TANGO6: variants seen among roughly 807,000 people sequenced by gnomAD.
TANGO6 encodes the protein transport and Golgi organization protein 6 homolog.
In TANGO6, 90 loss-of-function variants were observed where a neutral mutation model predicts 114.2. The ratio of observed to expected loss-of-function variants is 0.79; its 90% confidence interval spans 0.66 to 0.94. The LOEUF is 0.94. TANGO6 is among the 40% of genes least tolerant of loss of function. TANGO6 has a pLI of 0.00. For synonymous variants in TANGO6, 477 were observed against 509.8 expected, an observed-to-expected ratio of 0.94 and a Z score of 0.87; for missense variants, 1,274 against 1,315.3, an observed-to-expected ratio of 0.97 and a Z score of 0.49.
At chr16:69,070,187 G>A (rs1960276428) in intron 17 of TANGO6, among the ~76,000 whole-genome samples, 1 of 151,682 alleles carries the variant, frequency 6.6e-6, no homozygotes, top group Non-Finnish European at 1.5e-5. Flanking sequence ...CAGCCTCGGC[G>A]ATAGAGCGAG....
intron 11 of TANGO6, among the ~76,000 whole-genome samples, chr16:68,915,147 C>A (rs1231818259): frequency 3.5e-5 from 5 of 142,564 alleles, no homozygotes; most frequent in Non-Finnish European, 6.0e-5. Context: ...GCACTCCAGC[C>A]TGGGCGACAG....
chr16:68,878,608 C>A (rs1347555218), intron 6 of TANGO6, among the ~76,000 whole-genome samples: 1 of 149,960 alleles, frequency 6.7e-6, no homozygotes, highest in Non-Finnish European at 1.5e-5. Flanking sequence ...CTACAGTATG[C>A]ATCCCCAAAG....
At chr16:69,075,223 G>C (rs191965835) in intron 17 of TANGO6, among the ~76,000 whole-genome samples, 1 of 141,402 alleles carries the variant, frequency 7.1e-6, no homozygotes, top group Admixed American at 7.2e-5. Context: ...CTCTCAACTT[G>C]TCATGATGTT....
At chr16:69,072,559 G>T (rs960881676) in intron 17 of TANGO6, among the ~76,000 whole-genome samples, 1 of 152,126 alleles carries the variant, frequency 6.6e-6, no homozygotes, top group Admixed American at 6.6e-5. Context: ...TCCCTGGCTG[G>T]CAGGAAGCTT....
intron 7 of TANGO6, among the ~76,000 whole-genome samples, chr16:68,898,980 T>TTAC (rs1469979592): frequency 2.0e-5 from 3 of 149,640 alleles, no homozygotes; most frequent in Non-Finnish European, 3.0e-5. Flanking sequence ...ATTATTATTA[T>TTAC]TGGTTTACTT....
At chr16:69,014,914 AAAAG>A (rs1310262953) in intron 15 of TANGO6, among the ~76,000 whole-genome samples, 3 of 152,002 alleles carry the variant, frequency 2.0e-5, no homozygotes, top group Admixed American at 1.3e-4. Flanking sequence ...AAAAAAAAGA[AAAAG>A]AAAAGACAAA....
At chr16:69,022,420 T>C (rs1189723928) in intron 15 of TANGO6, among the ~76,000 whole-genome samples, 1 of 152,062 alleles carries the variant, frequency 6.6e-6, no homozygotes, top group Non-Finnish European at 1.5e-5. Context: ...GAATAAGACA[T>C]TGGTCATGTA....
intron 15 of TANGO6, among the ~76,000 whole-genome samples, chr16:68,996,795 TAC>T (rs1171199702): frequency 2.0e-5 from 3 of 152,154 alleles, no homozygotes; most frequent in Non-Finnish European, 4.4e-5. Context: ...AAACCGAAAG[TAC>T]ACAGAGTACA....
At chr16:68,883,287 AG>A (rs1962490187) in intron 7 of TANGO6, among the ~76,000 whole-genome samples, 1 of 152,212 alleles carries the variant, frequency 6.6e-6, no homozygotes, top group African/African-American at 2.4e-5. Flanking sequence ...GGATTACCTG[AG>A]GTAAGGAGTT....
At chr16:68,949,631 A>G (rs1476841813) in intron 14 of TANGO6, among the ~76,000 whole-genome samples, 1 of 152,146 alleles carries the variant, frequency 6.6e-6, no homozygotes, top group Admixed American at 6.5e-5. Context: ...AAGAAAAAAA[A>G]AAAAAGCTTA....
At chr16:68,863,486 TG>T (rs1171505549) in intron 3 of TANGO6, among the ~76,000 whole-genome samples, 1 of 152,168 alleles carries the variant, frequency 6.6e-6, no homozygotes, top group Non-Finnish European at 1.5e-5. Flanking sequence ...GGTGCATGCC[TG>T]CAATCCCAGC....
intron 16 of TANGO6, chr16:69,034,374 A>C (rs917800846): frequency 6.3e-6 from 1 of 159,964 alleles, no homozygotes; most frequent in Admixed American, 6.4e-5. Flanking sequence ...GCCACCTTCA[A>C]TGCCATCTCC....
intron 7 of TANGO6, 105 bp downstream of exon 7, chr16:68,880,735 G>C: frequency 8.7e-6 from 6 of 690,986 alleles, no homozygotes; most frequent in Non-Finnish European, 1.3e-5. Context: ...ACGTTGCCCA[G>C]TCTGGTCTTG....
intron 17 of TANGO6, among the ~76,000 whole-genome samples, chr16:69,045,833 A>G (rs995539516): frequency 6.6e-6 from 1 of 152,010 alleles, no homozygotes; most frequent in Non-Finnish European, 1.5e-5. Flanking sequence ...TGGGAGGCTG[A>G]GGCGGGTGGA....
rs1959482140 is a variant in TANGO6 at position 69,025,310 on chromosome 16, C to T, written c.2994+2331C>T. ...AATTTTATTGAGCAATGAAACGGCT[C>T]TCAGCAGAGAAGGGAGCTGGAGAGA... On this transcript the variant is annotated intron_variant, in intron 16 of 17. Coordinates refer to ENST00000261778, the MANE Select transcript of TANGO6 (RefSeq NM_024562.2). 2.6e-5 allele frequency among the ~76,000 whole-genome samples: 4 copies of T among 152,178 alleles called. No individual in the cohort carries two copies. The South Asian group carries it at 8.3e-4, about 32-fold the overall frequency.
intron 14 of TANGO6, among the ~76,000 whole-genome samples, chr16:68,948,028 T>C (rs1368769878): frequency 6.6e-6 from 1 of 151,772 alleles, no homozygotes. Flanking sequence ...GCAGCTGATA[T>C]ATATATATAT....
At chr16:69,006,116 G>C (rs1964089912) in intron 15 of TANGO6, among the ~76,000 whole-genome samples, 1 of 152,182 alleles carries the variant, frequency 6.6e-6, no homozygotes. Flanking sequence ...TCAGAAAGCA[G>C]TGGGAAAGCC....
chr16:68,906,707 C>G (rs1962853991), intron 9 of TANGO6, among the ~76,000 whole-genome samples: 1 of 152,094 alleles, frequency 6.6e-6, no homozygotes, highest in Admixed American at 6.6e-5. Context: ...CCTCAGCCTC[C>G]TAGTGCACTA....
At position 68,893,757 on chromosome 16, in the gene TANGO6, C is replaced by CAAAA. The variant is rs796651419; in HGVS notation, c.1378-6663_1378-6660dup. Reference sequence around the variant, plus strand: ...TCTCAAAAAAAAAAAAGAAAACAACCAAAAAAAAAAAAAAAAAGGAAAAGA... The same window carrying CAAAA: ...TCTCAAAAAAAAAAAAGAAAACAACCAAAAAAAAAAAAAAAAAAAAAGGAAAAGA... On this transcript the variant is annotated intron_variant, in intron 7 of 17. Transcript: ENST00000261778. 9.2e-3 allele frequency among the ~76,000 whole-genome samples: 771 copies of CAAAA among 84,094 alleles called. 2 individuals are homozygous for CAAAA. The highest frequency in any genetic ancestry group is 0.014 in the Non-Finnish European group (537 of 39,050). 55.2% of individuals were successfully genotyped at this position (84,094 alleles called of 152,430 possible).
Sources: allele counts gnomAD v4.1 joint callset (sites outside exome capture counted in the v4.1 genomes callset), GRCh38; gene constraint gnomAD v4.1.1; transcripts MANE v1.5; gene names NCBI Gene and HGNC (gene_info 2026-07-23, HGNC 2026-07-21).